Variants in PPARA observed in about 807,000 individuals in gnomAD.
The protein encoded by PPARA is peroxisome proliferator-activated receptor alpha.
PPARA carries 22 observed loss-of-function variants against 42.2 expected under a neutral mutation model. The ratio of observed to expected loss-of-function variants is 0.52; its 90% CI spans 0.37 to 0.74. The LOEUF (loss-of-function observed/expected upper bound fraction) is 0.74. PPARA is among the 30% of genes least tolerant of loss of function. The pLI is 0.00. For missense variants in PPARA, 465 were observed against 608.2 expected (o/e 0.76, Z 2.48); for synonymous variants, 242 against 239.3 (o/e 1.01, Z -0.10).
In PPARA at chr22:46,200,363, C is replaced by T. The variant is rs1158266625; in HGVS notation, c.208+1772C>T. On this transcript the variant is annotated intron_variant, in intron 4 of 8. Coordinates refer to ENST00000407236, the MANE Select transcript of PPARA (RefSeq NM_005036.6). The surrounding 1 kb of genome is among the most constrained non-coding windows in gnomAD (Gnocchi z 4.8). ...CCAGATGGTAGAGCCTGCTGCACAC[C>T]GAGGCTCTGCGGTGCAGCCTGTTGC... Among the ~76,000 whole-genome samples the T allele has an allele frequency of 2.0e-5, 3 of 152,200 alleles. No homozygotes were observed. Among genetic ancestry groups the T allele is most frequent in the Non-Finnish European group, 2.9e-5 (2 of 68,038 alleles).
Position 46,224,683 on chromosome 22 carries a change from A to T in PPARA, c.711+4669A>T, listed in dbSNP as rs1935266921. Among the ~76,000 whole-genome samples the T allele has an allele frequency of 1.3e-5, 2 of 151,882 alleles. No individual in the cohort carries two copies. The highest frequency in any genetic ancestry group is 4.8e-5 in the African/African-American group (2 of 41,346). ...ACTGTCCAGGCCAGTAAACTAATGG[A>T]TTCATACGAACCGTAATGAACGTGG... is the stretch of plus-strand genomic sequence containing the variant. On this transcript the variant is annotated intron_variant, in intron 7 of 8. Coordinates refer to ENST00000407236, the MANE Select transcript of PPARA (RefSeq NM_005036.6). This position sits in a 1 kb window ranked among gnomAD's most constrained non-coding sequence, Gnocchi z 5.7.
rs184170220 is a variant in PPARA at position 46,222,250 on chromosome 22, G to C, written c.711+2236G>C. On this transcript the variant is annotated intron_variant, in intron 7 of 8. Coordinates refer to ENST00000407236, the MANE Select transcript of PPARA (RefSeq NM_005036.6). This position sits in a 1 kb window ranked among gnomAD's most constrained non-coding sequence, Gnocchi z 5.9. The stretch of plus-strand genomic sequence containing the variant: ...CTCCCCAACAGTTAAATAAGTCTTT[G>C]TCTCCATTACAAAACAAATCTCAGA... 6.7e-6 allele frequency among the ~76,000 whole-genome samples: 1 copy of C among 150,162 alleles called. No homozygotes were observed. The highest frequency in any genetic ancestry group is 6.7e-5 in the Admixed American group (1 of 14,842).
At position 46,222,413 on chromosome 22, in the gene PPARA, T is replaced by C. The variant is rs1468351646; in HGVS notation, c.711+2399T>C. On this transcript the variant is annotated intron_variant, in intron 7 of 8. Transcript: ENST00000407236. This position sits in a 1 kb window ranked among gnomAD's most constrained non-coding sequence, Gnocchi z 5.9. ...TATTGGGAATTACAAGGTGGAATTT[T>C]AGTCACAGGAAAATAAAGCATTTCA... Among the ~76,000 whole-genome samples the C allele has an allele frequency of 6.6e-6, 1 of 152,230 alleles. No individual in the cohort carries two copies. Among genetic ancestry groups the C allele is most frequent in the Non-Finnish European group, 1.5e-5 (1 of 68,048 alleles).
At chr22:46,174,255 A>AAGGG (rs1404588877) in intron 2 of PPARA, among the ~76,000 whole-genome samples, 1 of 147,266 alleles carries the variant, frequency 6.8e-6, no homozygotes. Flanking sequence ...AGAAAGAAGG[A>AAGGG]AGGAAGGAAG....
chr22:46,228,080 A>G (rs1358727938), intron 7 of PPARA, among the ~76,000 whole-genome samples: 1 of 152,268 alleles, frequency 6.6e-6, no homozygotes, highest in East Asian at 1.9e-4. Context: ...GATATTTGTT[A>G]CCACAGAAGT....
Position 46,231,772 on chromosome 22 carries a change from C to T in PPARA, c.712-20C>T. On this transcript the variant is annotated intron_variant, in intron 7 of 8. Transcript: ENST00000407236. This position sits in a 1 kb window ranked among gnomAD's most constrained non-coding sequence, Gnocchi z 7.7. ...GCGCATCCCACATCACCTGACTTAC[C>T]TTGGTGTCCTCCTTTGTAGCCTTTT... 6.2e-7 allele frequency: 1 copy of T among 1,609,768 alleles called. No homozygotes were observed. The highest frequency in any genetic ancestry group is 1.1e-5 in the South Asian group (1 of 90,538).
In PPARA at chr22:46,173,849, G is replaced by GGCAT. The variant is rs1341764114; in HGVS notation, c.-126-2900_-126-2897dup. 6.6e-6 allele frequency among the ~76,000 whole-genome samples: 1 copy of GGCAT among 152,094 alleles called. No homozygotes were observed. The highest frequency in any genetic ancestry group is 1.9e-4 in the East Asian group (1 of 5,188). On this transcript the variant is annotated intron_variant, in intron 2 of 8. Coordinates refer to ENST00000407236, the MANE Select transcript of PPARA (RefSeq NM_005036.6). The surrounding 1 kb of genome is among the most constrained non-coding windows in gnomAD (Gnocchi z 4.3). ...TAGTATTTAGGAGAAAGGGCCATGA[G>GGCAT]GCATGCAACTCACCCTCAAATACAC...
chr22:46,206,320 T>A (rs1933304023), intron 4 of PPARA, among the ~76,000 whole-genome samples: 1 of 152,174 alleles, frequency 6.6e-6, no homozygotes, highest in African/African-American at 2.4e-5. Context: ...TTTCACTATG[T>A]TGGTCAGGCT....
At chr22:46,168,082 G>A (rs986555612) in intron 2 of PPARA, among the ~76,000 whole-genome samples, 1 of 151,818 alleles carries the variant, frequency 6.6e-6, no homozygotes, top group Admixed American at 6.6e-5. Context: ...ACCGGGCGCA[G>A]TGGCTCACGC....
rs1935254800 is a variant in PPARA, at chr22:46,224,558, A to G, written c.711+4544A>G. On this transcript the variant is annotated intron_variant, in intron 7 of 8. Coordinates refer to ENST00000407236, the MANE Select transcript of PPARA (RefSeq NM_005036.6). This position sits in a 1 kb window ranked among gnomAD's most constrained non-coding sequence, Gnocchi z 5.7. ...ATCAGTTTCCAGCCTGGGTGACCTCACAGCCCCAGCCACGCCCCACAGAGC... is the reference window on the plus strand; with the variant it reads ...ATCAGTTTCCAGCCTGGGTGACCTCGCAGCCCCAGCCACGCCCCACAGAGC... Among the ~76,000 whole-genome samples, 1 of 152,150 alleles carries G rather than the reference A, an allele frequency of 6.6e-6. No individual in the cohort carries two copies. The highest frequency in any genetic ancestry group is 2.4e-5 in the African/African-American group (1 of 41,450).
intron 7 of PPARA, 130 bp downstream of exon 7, chr22:46,220,144 G>C: frequency 9.3e-7 from 1 of 1,073,422 alleles, no homozygotes; most frequent in Non-Finnish European, 1.4e-6. Flanking sequence ...GGACAGCGAA[G>C]ATGGAAACAG....
Position 46,233,909 on chromosome 22 carries a change from C to T in PPARA, c.1160-1224C>T, listed in dbSNP as rs186562725. 1.2e-4 allele frequency among the ~76,000 whole-genome samples: 18 copies of T among 151,966 alleles called. No homozygotes were observed. The highest frequency in any genetic ancestry group is 3.1e-4 in the African/African-American group (13 of 41,440). ...CACGATCTCAGGTCACTGCAACTTC[C>T]GCCTCCTGGGTTCAAGTGATTCGCC... is the stretch of plus-strand genomic sequence containing the variant. On this transcript the variant is annotated intron_variant, in intron 8 of 8. Coordinates refer to ENST00000407236, the MANE Select transcript of PPARA (RefSeq NM_005036.6). This position sits in a 1 kb window ranked among gnomAD's most constrained non-coding sequence, Gnocchi z 7.3.
At position 46,160,274 on chromosome 22, in the gene PPARA, C is replaced by T. The variant is rs1168976617; in HGVS notation, c.-127+8304C>T. ...ATGTGAAGAGTATTTAGCAGGATGC[C>T]AATATAAGAAATCTATATTGGTGTT... On this transcript the variant is annotated intron_variant, in intron 2 of 8. Transcript: ENST00000407236. The surrounding 1 kb of genome is among the most constrained non-coding windows in gnomAD (Gnocchi z 4.5). 6.6e-6 allele frequency among the ~76,000 whole-genome samples: 1 copy of T among 152,130 alleles called. No individual in the cohort carries two copies. The highest frequency in any genetic ancestry group is 1.9e-4 in the East Asian group (1 of 5,186).
chr22:46,179,644 C>T (rs1464907629), intron 3 of PPARA, among the ~76,000 whole-genome samples: 1 of 151,304 alleles, frequency 6.6e-6, no homozygotes, highest in African/African-American at 2.4e-5. Context: ...TCTTTGTGAC[C>T]TTGGTCTAGG....
chr22:46,174,039 G>T (rs544334364), intron 2 of PPARA, among the ~76,000 whole-genome samples: 1 of 86,406 alleles, frequency 1.2e-5, no homozygotes, highest in African/African-American at 7.6e-5. Context: ...TTAGCTGGGC[G>T]TGGTGGTGCA....
Position 46,193,969 on chromosome 22 carries a change from G to A in PPARA, c.-42-4373G>A, listed in dbSNP as rs1032216011. On this transcript the variant is annotated intron_variant, in intron 3 of 8. Transcript: ENST00000407236. This position sits in a 1 kb window ranked among gnomAD's most constrained non-coding sequence, Gnocchi z 5.3. Reference sequence around the variant, plus strand: ...CACTCTTCTCGATTAGCTGGACAGCGGCATGTCATGTGGGTAATAGGAAGG... The same window carrying A: ...CACTCTTCTCGATTAGCTGGACAGCAGCATGTCATGTGGGTAATAGGAAGG... Among the ~76,000 whole-genome samples the A allele has an allele frequency of 4.6e-5, 7 of 152,210 alleles. No homozygotes were observed. The highest frequency in any genetic ancestry group is 2.6e-4 in the Admixed American group (4 of 15,280).
rs1404201822 is a variant in PPARA, at chr22:46,227,697, T to C, written c.712-4095T>C. On this transcript the variant is annotated intron_variant, in intron 7 of 8. Coordinates refer to ENST00000407236, the MANE Select transcript of PPARA (RefSeq NM_005036.6). The surrounding 1 kb of genome is among the most constrained non-coding windows in gnomAD (Gnocchi z 4.3). ...GCGTTCTGCTCTCGGCATGGAGTGATTGGGGAAAATCTAGGCAGCTTCCTG... is the reference window on the plus strand; with the variant it reads ...GCGTTCTGCTCTCGGCATGGAGTGACTGGGGAAAATCTAGGCAGCTTCCTG... Among the ~76,000 whole-genome samples the C allele has an allele frequency of 1.3e-5, 2 of 152,194 alleles. No homozygotes were observed. Among genetic ancestry groups the C allele is most frequent in the African/African-American group, 2.4e-5 (1 of 41,466 alleles).
chr22:46,150,913 C>G lies in PPARA; in HGVS notation c.-210+261C>G, dbSNP rs963127182. On this transcript the variant is annotated intron_variant, in intron 1 of 8. Coordinates refer to ENST00000407236, the MANE Select transcript of PPARA (RefSeq NM_005036.6). This position sits in a 1 kb window ranked among gnomAD's most constrained non-coding sequence, Gnocchi z 7.5. ...GATCTCGGGGCCCAGCTCGGCCTCCCTCCTAGCGCTGGGGGCCTGCCCGGA... is the reference window on the plus strand; with the variant it reads ...GATCTCGGGGCCCAGCTCGGCCTCCGTCCTAGCGCTGGGGGCCTGCCCGGA... 11 of 152,090 alleles carry G rather than the reference C, an allele frequency of 7.2e-5. No individual in the cohort carries two copies. Among genetic ancestry groups the G allele is most frequent in the Admixed American group, 6.5e-5 (1 of 15,272 alleles). 9.4% of individuals were successfully genotyped at this position (152,090 alleles called of 1,614,324 possible).
chr22:46,170,796 G>A (rs187438226), intron 2 of PPARA, among the ~76,000 whole-genome samples: 1 of 151,822 alleles, frequency 6.6e-6, no homozygotes, highest in Non-Finnish European at 1.5e-5. Context: ...ACTTTGGAGA[G>A]GAAAGGCATC....
Sources: allele counts gnomAD v4.1 joint callset (sites outside exome capture counted in the v4.1 genomes callset), GRCh38; gene constraint gnomAD v4.1.1; non-coding constraint Gnocchi (gnomAD v3.1); transcripts MANE v1.5; gene names NCBI Gene and HGNC (gene_info 2026-07-23, HGNC 2026-07-21).